The following MALRD1 variants were observed in gnomAD, a reference collection of about 807,000 sequenced individuals.
The protein encoded by MALRD1 is MAM and LDL receptor class A domain containing 1.
Under a neutral mutation model 242.1 loss-of-function variants are expected in MALRD1, and 247 were observed. The ratio of observed to expected loss-of-function variants is 1.02; its 90% CI spans 0.92 to 1.13. MALRD1 has a LOEUF of 1.13. Among genes scored for constraint, MALRD1 ranks in the 50% most tolerant of loss-of-function variants. The pLI is 0.00. For synonymous variants in MALRD1, 995 were observed against 866.6 expected (o/e 1.15, Z -2.60); for missense variants, 2,989 against 2,533.1 (o/e 1.18, Z -3.86).
intron 28 of MALRD1, among the ~76,000 whole-genome samples, chr10:19,415,736 T>A (rs941288571): frequency 6.6e-6 from 1 of 152,164 alleles, no homozygotes; most frequent in African/African-American, 2.4e-5. Context: ...AGCTTTCATA[T>A]CAAAGAGAGA....
chr10:19,386,166 T>C (rs1327963518), intron 26 of MALRD1, among the ~76,000 whole-genome samples: 1 of 152,122 alleles, frequency 6.6e-6, no homozygotes. Flanking sequence ...TGACCATCTA[T>C]TGTCTAAAAT....
intron 31 of MALRD1, among the ~76,000 whole-genome samples, chr10:19,530,418 A>T (rs61379488): frequency 1.2e-5 from 1 of 83,770 alleles, no homozygotes; most frequent in African/African-American, 6.3e-5. Flanking sequence ...TTTATATAAT[A>T]ATAAATATAT....
chr10:19,096,947 G>T (rs1014456598), intron 4 of MALRD1, among the ~76,000 whole-genome samples: 2 of 152,192 alleles, frequency 1.3e-5, no homozygotes, highest in African/African-American at 4.8e-5. Flanking sequence ...TAATGAAATT[G>T]AAGCAGGTTA....
At chr10:19,103,311 C>G (rs1227536891) in intron 4 of MALRD1, among the ~76,000 whole-genome samples, 1 of 151,732 alleles carries the variant, frequency 6.6e-6, no homozygotes, top group South Asian at 2.1e-4. Flanking sequence ...CCTGTAATCC[C>G]AACACTTTGG....
chr10:19,335,147 G>C (rs1168698706), intron 24 of MALRD1, among the ~76,000 whole-genome samples: 4 of 149,270 alleles, frequency 2.7e-5, no homozygotes, highest in Non-Finnish European at 5.9e-5. Flanking sequence ...ATCAGAAGGT[G>C]CTTTTTGGTG....
chr10:19,442,194 A>G (rs553850904), intron 28 of MALRD1, among the ~76,000 whole-genome samples: 2 of 152,146 alleles, frequency 1.3e-5, no homozygotes, highest in Admixed American at 6.6e-5. Context: ...GTACCCTGAG[A>G]TTTTGCTGAA....
chr10:19,095,137 A>G (rs1005121555), intron 4 of MALRD1, among the ~76,000 whole-genome samples: 1 of 152,206 alleles, frequency 6.6e-6, no homozygotes, highest in African/African-American at 2.4e-5. Flanking sequence ...TTGCTTAAAT[A>G]TAGAGATTAA....
intron 31 of MALRD1, among the ~76,000 whole-genome samples, chr10:19,524,149 C>T (rs187872733): frequency 8.5e-5 from 13 of 152,178 alleles, no homozygotes; most frequent in South Asian, 2.1e-4. Flanking sequence ...CTTTTTCTCT[C>T]GCTGGCCATA....
At chr10:19,270,272 G>A (rs111556508) in intron 19 of MALRD1, among the ~76,000 whole-genome samples, 3 of 151,690 alleles carry the variant, frequency 2.0e-5, no homozygotes, top group African/African-American at 4.8e-5. Context: ...TTGAGATCGC[G>A]CCACTGCACT....
At chr10:19,059,951 A>C (rs1190617622) in intron 1 of MALRD1, among the ~76,000 whole-genome samples, 1 of 152,206 alleles carries the variant, frequency 6.6e-6, no homozygotes, top group Non-Finnish European at 1.5e-5. Context: ...GAGAATTTGC[A>C]AGTAAAGTAA....
chr10:19,440,186 C>T (rs1411569173), intron 28 of MALRD1, among the ~76,000 whole-genome samples: 3 of 152,010 alleles, frequency 2.0e-5, no homozygotes, highest in Non-Finnish European at 2.9e-5. Flanking sequence ...GCATTGACTT[C>T]GGGAGAGTTC....
In MALRD1 at chr10:19,533,153, C is replaced by G. The variant is rs191869986; in HGVS notation, c.5478+1802C>G. Among the ~76,000 whole-genome samples, 55 of 152,290 alleles carry G rather than the reference C, an allele frequency of 3.6e-4. No individual in the cohort carries two copies. The East Asian group carries it at 0.01, about 29-fold the overall frequency. ...AATTCAAAAAGACCACCCCTGTGTT[C>G]TTTAGCTACTCACCAGCTGGGCCTT... On this transcript the variant is annotated intron_variant, in intron 32 of 39. Coordinates refer to ENST00000454679, the MANE Select transcript of MALRD1 (RefSeq NM_001142308.3).
At chr10:19,547,813 TA>T (rs1564431832) in intron 32 of MALRD1, among the ~76,000 whole-genome samples, 18 of 16,476 alleles carry the variant, frequency 1.1e-3, no homozygotes, top group South Asian at 2.0e-3. Context: ...TATATATATA[TA>T]TATATTTTTT....
intron 34 of MALRD1, among the ~76,000 whole-genome samples, chr10:19,604,705 A>G (rs970683285): frequency 4.6e-5 from 7 of 152,182 alleles, no homozygotes; most frequent in African/African-American, 1.7e-4. Context: ...CCACAGCTAG[A>G]GAGGAGAAGT....
chr10:19,154,491 C>T (rs1434576149), intron 11 of MALRD1, among the ~76,000 whole-genome samples: 1 of 152,188 alleles, frequency 6.6e-6, no homozygotes, highest in East Asian at 1.9e-4. Context: ...CAGCTCTGAA[C>T]CTGTGATCTT....
intron 5 of MALRD1, among the ~76,000 whole-genome samples, chr10:19,117,948 A>G (rs1378870233): frequency 6.6e-6 from 1 of 150,972 alleles, no homozygotes. Context: ...AGCGGTGAAA[A>G]AGCAAATAGT....
At chr10:19,510,374 C>A (rs1302346945) in intron 31 of MALRD1, among the ~76,000 whole-genome samples, 1 of 152,198 alleles carries the variant, frequency 6.6e-6, no homozygotes, top group Non-Finnish European at 1.5e-5. Flanking sequence ...ATGGTCAGGT[C>A]TTTCCCTTCC....
chr10:19,545,953 C>A (rs549846898), intron 32 of MALRD1, among the ~76,000 whole-genome samples: 70 of 152,268 alleles, frequency 4.6e-4, no homozygotes, highest in South Asian at 2.3e-3. Context: ...TTTCCAAGAA[C>A]TGTGAATGCT....
chr10:19,449,334 G>A (rs1180095766), intron 28 of MALRD1, among the ~76,000 whole-genome samples: 2 of 152,106 alleles, frequency 1.3e-5, no homozygotes, highest in Non-Finnish European at 1.5e-5. Flanking sequence ...GTGCCACCAC[G>A]CCCGGCTAAT....
Sources: allele counts gnomAD v4.1 joint callset (sites outside exome capture counted in the v4.1 genomes callset), GRCh38; gene constraint gnomAD v4.1.1; transcripts MANE v1.5; gene names NCBI Gene and HGNC (gene_info 2026-07-23, HGNC 2026-07-21).